ADAMTS2: variants seen among roughly 807,000 people sequenced by gnomAD.
ADAMTS2 encodes the protein A disintegrin and metalloproteinase with thrombospondin motifs 2.
Under a neutral mutation model 123.0 loss-of-function variants are expected in ADAMTS2, and 50 were observed. That is an observed-to-expected ratio of 0.41 (90% confidence interval 0.32 to 0.51). The LOEUF is 0.51. Among genes scored for constraint, ADAMTS2 ranks in the 20% least tolerant of loss-of-function variants. The pLI, the probability that ADAMTS2 is intolerant of heterozygous loss-of-function variation, is 0.35. For missense variants in ADAMTS2, 1,494 were observed against 1,705.2 expected (o/e 0.88, Z 2.18); for synonymous variants, 678 against 695.4 (o/e 0.98, Z 0.39).
intron 3 of ADAMTS2, among the ~76,000 whole-genome samples, chr5:179,229,958 C>T (rs1765371357): frequency 6.6e-6 from 1 of 152,220 alleles, no homozygotes; most frequent in Non-Finnish European, 1.5e-5. Flanking sequence ...GACCTTTTCT[C>T]TCGACATCCT....
chr5:179,175,016 G>A lies in ADAMTS2; in HGVS notation c.975+6056C>T, dbSNP rs1763901712. Among the ~76,000 whole-genome samples the A allele has an allele frequency of 6.6e-6, 1 of 150,978 alleles. No homozygotes were observed. The highest frequency in any genetic ancestry group is 2.4e-5 in the African/African-American group (1 of 40,952). On this transcript the variant is annotated intron_variant, in intron 5 of 21. Transcript: ENST00000251582. The surrounding 1 kb of genome is among the most constrained non-coding windows in gnomAD (Gnocchi z 4.1). ...TTCCTTTGGAGGAAGTCTCTTCCTTGCTTGGGTTCCGCAGCTGTCTCAGCC... is the reference window on the plus strand; with the variant it reads ...TTCCTTTGGAGGAAGTCTCTTCCTTACTTGGGTTCCGCAGCTGTCTCAGCC...
chr5:179,310,896 G>A (rs900766284), intron 2 of ADAMTS2, among the ~76,000 whole-genome samples: 3 of 152,064 alleles, frequency 2.0e-5, no homozygotes, highest in African/African-American at 7.3e-5. Context: ...GGGAGGCATG[G>A]CCCAGGACAG....
intron 2 of ADAMTS2, among the ~76,000 whole-genome samples, chr5:179,277,280 C>T (rs1405227005): frequency 7.2e-5 from 11 of 152,014 alleles, no homozygotes; most frequent in South Asian, 2.1e-4. Flanking sequence ...GCATGCTGGA[C>T]GATGAACATG....
rs539570172 is a variant in ADAMTS2, at chr5:179,324,336, G to A, written c.534+19431C>T. ...AACATTATTATCAAAAATGTGTAAG[G>A]TATAATAATGATTAAAAATTTTAAA... On this transcript the variant is annotated intron_variant, in intron 2 of 21. Transcript: ENST00000251582. Among the ~76,000 whole-genome samples the A allele has an allele frequency of 5.9e-5, 9 of 151,704 alleles. No individual in the cohort carries two copies. The East Asian group carries it at 1.7e-3, about 29-fold the overall frequency.
intron 4 of ADAMTS2, among the ~76,000 whole-genome samples, chr5:179,192,131 C>A (rs1764319527): frequency 6.6e-6 from 1 of 152,180 alleles, no homozygotes; most frequent in Non-Finnish European, 1.5e-5. Context: ...GAGGCCCTGG[C>A]AGAGCAGGTA....
At chr5:179,200,377 TA>T (rs1214200209) in intron 4 of ADAMTS2, among the ~76,000 whole-genome samples, 4 of 150,824 alleles carry the variant, frequency 2.7e-5, no homozygotes, top group South Asian at 2.1e-4. Context: ...GCCTCCCGAG[TA>T]GCTGGGATTA....
intron 19 of ADAMTS2, among the ~76,000 whole-genome samples, chr5:179,123,996 C>A (rs1343628322): frequency 6.6e-6 from 1 of 152,232 alleles, no homozygotes; most frequent in East Asian, 1.9e-4. Context: ...ACATGCATTG[C>A]CACACATGGG....
intron 2 of ADAMTS2, among the ~76,000 whole-genome samples, chr5:179,309,840 C>T (rs990694660): frequency 1.4e-5 from 2 of 148,112 alleles, no homozygotes; most frequent in African/African-American, 4.9e-5. Flanking sequence ...TCAGTTTCTT[C>T]TATTTAAAAT....
chr5:179,139,208 A>G (rs1412005722), intron 11 of ADAMTS2, among the ~76,000 whole-genome samples: 1 of 152,052 alleles, frequency 6.6e-6, no homozygotes, highest in Non-Finnish European at 1.5e-5. Flanking sequence ...TCCCTGGGTG[A>G]GGCCAGGGTG....
At position 179,130,709 on chromosome 5, in the gene ADAMTS2, G is replaced by A. The variant is rs1762945749; in HGVS notation, c.2291-611C>T. Among the ~76,000 whole-genome samples, 1 of 152,210 alleles carries A rather than the reference G, an allele frequency of 6.6e-6. No individual in the cohort carries two copies. The highest frequency in any genetic ancestry group is 2.4e-5 in the African/African-American group (1 of 41,454). On this transcript the variant is annotated intron_variant, in intron 15 of 21. Coordinates refer to ENST00000251582, the MANE Select transcript of ADAMTS2 (RefSeq NM_014244.5). The surrounding 1 kb of genome is among the most constrained non-coding windows in gnomAD (Gnocchi z 4.3). The stretch of plus-strand genomic sequence containing the variant: ...AAGCCCCATGCTCTCTGCAGTGTGG[G>A]GGGTGGCTGCTGCGGGGCAGCTGGG...
chr5:179,282,457 C>T (rs1766941781), intron 2 of ADAMTS2, among the ~76,000 whole-genome samples: 1 of 152,204 alleles, frequency 6.6e-6, no homozygotes, highest in African/African-American at 2.4e-5. Flanking sequence ...GGATGTATTT[C>T]CAAACTCTCA....
Position 179,164,544 on chromosome 5 carries a change from C to T in ADAMTS2, c.976-5665G>A, listed in dbSNP as rs537581168. On this transcript the variant is annotated intron_variant, in intron 5 of 21. Transcript: ENST00000251582. ...GGGATTGGTAGCAAGGCAGAAGAGGCGGCGCGGGAAGGGGACGGCAAGTGC... is the reference window on the plus strand; with the variant it reads ...GGGATTGGTAGCAAGGCAGAAGAGGTGGCGCGGGAAGGGGACGGCAAGTGC... 7.2e-5 allele frequency among the ~76,000 whole-genome samples: 11 copies of T among 152,242 alleles called. No homozygotes were observed. In the South Asian group the frequency reaches 8.3e-4, roughly 11 times the overall value.
At position 179,124,998 on chromosome 5, in the gene ADAMTS2, C is replaced by T. The variant is rs201998372; in HGVS notation, c.2933G>A (p.Arg978His). The T allele has an allele frequency of 6.1e-5, 95 of 1,563,854 alleles. 2 individuals are homozygous for T. The Admixed American group carries it at 9.7e-4, about 16-fold the overall frequency. Residue 978 changes from arginine to histidine, a missense_variant, in exon 19 of 22, where the codon CGT becomes CAT. Physicochemically the swap from Arg to His is conservative, Grantham distance 29 (BLOSUM62 0). Around this residue, in one of 6 missense-constraint regions of ADAMTS2, gnomAD observed 953 missense variants for 1,124.7 expected, o/e 0.85. Transcript: ENST00000251582. ...CTGGGACCAGGGCCCGGCTCGCCAA[C>T]GACCAGGGCAGAGCTCGCGGCTGCA... ...RACSRELCPG[R>H]WRAGPWSQCS...
intron 2 of ADAMTS2, among the ~76,000 whole-genome samples, chr5:179,328,502 T>C (rs1757373230): frequency 6.6e-6 from 1 of 152,252 alleles, no homozygotes; most frequent in South Asian, 2.1e-4. Context: ...ACAGCAATGC[T>C]GGGGCTTGGG....
At chr5:179,341,551 A>AT (rs1757774315) in intron 2 of ADAMTS2, among the ~76,000 whole-genome samples, 1 of 151,794 alleles carries the variant, frequency 6.6e-6, no homozygotes, top group Non-Finnish European at 1.5e-5. Flanking sequence ...ATTAAAAAAA[A>AT]AATAAAAAAA....
intron 18 of ADAMTS2, 39 bp from the exon 19 acceptor site, chr5:179,125,219 C>T: frequency 6.3e-7 from 1 of 1,597,052 alleles, no homozygotes. Context: ...GCTTCCGCAG[C>T]ACCTGGAGAA....
At position 179,132,934 on chromosome 5, in the gene ADAMTS2, G is replaced by A. The variant is rs202197224; in HGVS notation, c.2086-34C>T. The A allele has an allele frequency of 3.4e-4, 545 of 1,608,828 alleles. No homozygotes were observed. Among genetic ancestry groups the A allele is most frequent in the Middle Eastern group, 1.8e-3 (11 of 6,052 alleles). Reference sequence around the variant, plus strand: ...GGAGGAGGCAGTGAGCACTTGAGACGTCCTGCTAGTAGAGTCAGGGTCATA... The same window carrying A: ...GGAGGAGGCAGTGAGCACTTGAGACATCCTGCTAGTAGAGTCAGGGTCATA... On this transcript the variant is annotated intron_variant, in intron 13 of 21. Coordinates refer to ENST00000251582, the MANE Select transcript of ADAMTS2 (RefSeq NM_014244.5). The surrounding 1 kb of genome is among the most constrained non-coding windows in gnomAD (Gnocchi z 6.1).
chr5:179,239,046 T>A (rs530456265), intron 3 of ADAMTS2, among the ~76,000 whole-genome samples: 11 of 152,184 alleles, frequency 7.2e-5, no homozygotes, highest in African/African-American at 2.7e-4. Flanking sequence ...GTGAATATAA[T>A]AAAAACCATT....
intron 17 of ADAMTS2, among the ~76,000 whole-genome samples, chr5:179,127,467 G>A (rs1762879824): frequency 6.6e-6 from 1 of 152,096 alleles, no homozygotes; most frequent in Non-Finnish European, 1.5e-5. Flanking sequence ...GTCTGCCTCT[G>A]GGTCCTATGT....
Sources: gnomAD v4.1 joint callset for allele counts (sites outside exome capture counted in the v4.1 genomes callset) on GRCh38, gnomAD v4.1.1 for gene constraint, gnomAD v4.1.1 regional missense constraint, Gnocchi (gnomAD v3.1) non-coding constraint, MANE v1.5 for transcripts, NCBI Gene and HGNC (gene_info 2026-07-23, HGNC 2026-07-21) for gene names.